The following RANBP17 variants were observed in gnomAD, a reference collection of about 807,000 sequenced individuals.
The protein encoded by RANBP17 is RAN binding protein 17.
In RANBP17, 158 loss-of-function variants were observed where a neutral mutation model predicts 141.2. The ratio of observed to expected loss-of-function variants is 1.12; its 90% CI spans 0.98 to 1.28. The LOEUF (loss-of-function observed/expected upper bound fraction) is 1.28, where lower values mean the gene tolerates loss of function less well. RANBP17 is among the 50% of genes most tolerant of loss of function. The pLI, the probability that RANBP17 is intolerant of heterozygous loss-of-function variation, is 0.00. For missense variants in RANBP17, 1,438 were observed against 1,290.7 expected, an observed-to-expected ratio of 1.11 and a Z score of -1.75; for synonymous variants, 430 against 450.0, an observed-to-expected ratio of 0.96 and a Z score of 0.56.
At chr5:171,174,626 A>G (rs2127894108) in intron 16 of RANBP17, among the ~76,000 whole-genome samples, 1 of 152,226 alleles carries the variant, frequency 6.6e-6, no homozygotes, top group South Asian at 2.1e-4. Flanking sequence ...CTTTACTCAA[A>G]TTTGTAGCAG....
intron 6 of RANBP17, 195 bp from the exon 7 acceptor site, chr5:170,910,774 T>G: frequency 1.9e-6 from 1 of 536,442 alleles, no homozygotes; most frequent in Non-Finnish European, 3.3e-6. Flanking sequence ...ATTAGCTGAA[T>G]GTGATTCTTT....
chr5:170,980,448 G>A (rs1235381820), intron 14 of RANBP17, among the ~76,000 whole-genome samples: 1 of 152,134 alleles, frequency 6.6e-6, no homozygotes, highest in African/African-American at 2.4e-5. Context: ...AGAGGCCTAG[G>A]AAGAAAAAAT....
intron 14 of RANBP17, among the ~76,000 whole-genome samples, chr5:171,162,243 G>A (rs957370839): frequency 6.6e-6 from 1 of 152,160 alleles, no homozygotes; most frequent in Non-Finnish European, 1.5e-5. Flanking sequence ...GAGTGAATTG[G>A]CAGCCAACAG....
At chr5:170,998,100 A>C (rs911752994) in intron 14 of RANBP17, among the ~76,000 whole-genome samples, 9 of 152,064 alleles carry the variant, frequency 5.9e-5, no homozygotes, top group Admixed American at 5.9e-4. Context: ...AGAAAAAAAA[A>C]AAAAACCCTT....
chr5:171,207,064 C>T (rs372705243), intron 20 of RANBP17: 61 of 166,786 alleles, frequency 3.7e-4, no homozygotes, highest in African/African-American at 1.4e-3. Flanking sequence ...TGGGCTCAAG[C>T]GATCCTCCCA....
chr5:171,028,942 G>C (rs1010570554), intron 14 of RANBP17: 1 of 1,288,330 alleles, frequency 7.8e-7, no homozygotes, highest in African/African-American at 1.5e-5. Context: ...CCTTGAGAAC[G>C]ATCTGATTCA....
At chr5:171,020,459 A>G (rs971089662) in intron 14 of RANBP17, among the ~76,000 whole-genome samples, 7 of 152,088 alleles carry the variant, frequency 4.6e-5, no homozygotes, top group African/African-American at 1.7e-4. Context: ...TCCTGTTTGG[A>G]TGCATATATG....
At chr5:171,192,615 A>T (rs974758149) in intron 18 of RANBP17, among the ~76,000 whole-genome samples, 1 of 152,182 alleles carries the variant, frequency 6.6e-6, no homozygotes, top group African/African-American at 2.4e-5. Flanking sequence ...TAAGATAAAG[A>T]TACATAAAAA....
intron 18 of RANBP17, among the ~76,000 whole-genome samples, chr5:171,194,299 A>G (rs571678456): frequency 6.0e-4 from 91 of 152,254 alleles, no homozygotes; most frequent in South Asian, 1.0e-3. Context: ...AGCCATCACC[A>G]TTATCTAATT....
chr5:170,891,675 A>G (rs1262304622), intron 3 of RANBP17, among the ~76,000 whole-genome samples: 4 of 152,058 alleles, frequency 2.6e-5, no homozygotes, highest in African/African-American at 4.8e-5. Context: ...AGAAAGAGAG[A>G]AGGGGGAGGT....
At chr5:170,965,379 C>T (rs1336531884) in intron 13 of RANBP17, among the ~76,000 whole-genome samples, 4 of 151,814 alleles carry the variant, frequency 2.6e-5, no homozygotes, top group African/African-American at 9.7e-5. Context: ...GTTTCTTTTG[C>T]TGTGCAGAAG....
intron 7 of RANBP17, chr5:170,911,439 A>G (rs1771517709): frequency 3.2e-6 from 2 of 622,772 alleles, no homozygotes; most frequent in Non-Finnish European, 5.9e-6. Flanking sequence ...AGATAAACAG[A>G]GTGGGACAGG....
chr5:171,283,384 A>G (rs1393934954), intron 25 of RANBP17, among the ~76,000 whole-genome samples: 3 of 152,202 alleles, frequency 2.0e-5, no homozygotes, highest in African/African-American at 7.2e-5. Flanking sequence ...ATGAGGTTCT[A>G]TTCCCAACGC....
At chr5:170,960,833 C>T (rs1776087329) in intron 13 of RANBP17, among the ~76,000 whole-genome samples, 1 of 152,176 alleles carries the variant, frequency 6.6e-6, no homozygotes, top group African/African-American at 2.4e-5. Flanking sequence ...CATTTTCTGC[C>T]ATTCACTACA....
At chr5:171,179,574 T>C (rs1266192921) in intron 16 of RANBP17, among the ~76,000 whole-genome samples, 1 of 152,226 alleles carries the variant, frequency 6.6e-6, no homozygotes, top group Non-Finnish European at 1.5e-5. Flanking sequence ...TGTATGACTT[T>C]TAAATATTTG....
At chr5:170,978,883 C>G (rs1777572016) in intron 14 of RANBP17, among the ~76,000 whole-genome samples, 1 of 151,932 alleles carries the variant, frequency 6.6e-6, no homozygotes, top group Non-Finnish European at 1.5e-5. Context: ...TCATGGAAGC[C>G]TGGTGTGTAA....
intron 24 of RANBP17, among the ~76,000 whole-genome samples, chr5:171,255,431 A>G (rs1765820441): frequency 6.6e-6 from 1 of 150,462 alleles, no homozygotes; most frequent in Non-Finnish European, 1.5e-5. Context: ...ACATTTTTGC[A>G]TTAAAAAAAA....
intron 1 of RANBP17, among the ~76,000 whole-genome samples, chr5:170,875,137 A>C (rs1768075510): frequency 6.6e-6 from 1 of 152,148 alleles, no homozygotes; most frequent in African/African-American, 2.4e-5. Flanking sequence ...CTTGACTTTA[A>C]GAATGTTGAA....
At chr5:170,945,608 T>A (rs774737014) in intron 12 of RANBP17, among the ~76,000 whole-genome samples, 7 of 152,160 alleles carry the variant, frequency 4.6e-5, no homozygotes, top group Non-Finnish European at 8.8e-5. Context: ...TCCCTTTTTT[T>A]AAAACAAATA....
Sources: gnomAD v4.1 joint callset for allele counts (sites outside exome capture counted in the v4.1 genomes callset) on GRCh38, gnomAD v4.1.1 for gene constraint, MANE v1.5 for transcripts, NCBI Gene and HGNC (gene_info 2026-07-23, HGNC 2026-07-21) for gene names.